Variants in HOMER2 observed in about 807,000 individuals in gnomAD.
HOMER2 encodes homer scaffold protein 2.
In HOMER2, 27 loss-of-function variants were observed where a neutral mutation model predicts 47.0. That is an observed-to-expected ratio of 0.57 (90% CI 0.42 to 0.79). The LOEUF (loss-of-function observed/expected upper bound fraction) is 0.79, where lower values mean the gene tolerates loss of function less well. Ranked by LOEUF, HOMER2 falls within the 30% of genes least tolerant of loss-of-function variation. The probability of loss-of-function intolerance (pLI) is 0.00; values close to 1 mark genes in which losing one functional copy is unlikely to be tolerated. For synonymous variants in HOMER2, 161 were observed against 163.8 expected (o/e 0.98, Z 0.13); for missense variants, 443 against 435.0 (o/e 1.02, Z -0.16).
chr15:82,895,357 G>A (rs530368623), intron 1 of HOMER2, among the ~76,000 whole-genome samples: 12 of 152,276 alleles, frequency 7.9e-5, no homozygotes, highest in South Asian at 4.1e-4. Context: ...GTAATTTCCC[G>A]CATCTGCTGT....
chr15:82,927,979 A>C (rs938370711), intron 1 of HOMER2, among the ~76,000 whole-genome samples: 1 of 137,928 alleles, frequency 7.3e-6, no homozygotes. Flanking sequence ...GTCTCAAAAA[A>C]AAAAAAAAAA....
At chr15:82,907,445 AAGAG>A (rs113467450) in intron 1 of HOMER2, among the ~76,000 whole-genome samples, 1,512 of 150,752 alleles carry the variant, frequency 0.01, 28 homozygotes, top group African/African-American at 0.036. Context: ...GAAAGAAAGA[AAGAG>A]AAAGAAAGAA....
At chr15:82,863,054 C>T (rs527960243) in intron 4 of HOMER2, among the ~76,000 whole-genome samples, 28 of 152,240 alleles carry the variant, frequency 1.8e-4, no homozygotes, top group African/African-American at 6.7e-4. Flanking sequence ...CTCCTCTCTC[C>T]ACTGCTTCTT....
chr15:82,952,701 CCGCCA>C lies in HOMER2; in HGVS notation c.-171_-167del. The C allele has an allele frequency of 1.0e-6, 1 of 983,876 alleles. No individual in the cohort carries two copies. The highest frequency in any genetic ancestry group is 1.2e-6 in the Non-Finnish European group (1 of 830,194). The allele number at this position is 983,876 out of a possible 1,614,324, so 60.9% of individuals were successfully genotyped here. ...TGCGCGGCTGCCACTGCTGCCACTG[CCGCCA>C]CCGCCGCCAGGCGCGGGCGGGCGGG... is the stretch of plus-strand genomic sequence containing the variant. On this transcript the variant is annotated 5_prime_UTR_variant, in exon 1 of 9. Coordinates refer to ENST00000450735, the MANE Select transcript of HOMER2 (RefSeq NM_004839.4).
downstream of HOMER2, among the ~76,000 whole-genome samples, chr15:82,848,792 G>C (rs925177211): frequency 6.6e-6 from 1 of 152,178 alleles, no homozygotes; most frequent in East Asian, 1.9e-4. Context: ...GGCTCCAGGG[G>C]CCTGAGACCA....
rs183405469 is a variant in HOMER2 at position 82,859,112 on chromosome 15, G to A, written c.411C>T (p.Asp137=). The A allele has an allele frequency of 1.2e-5, 19 of 1,613,890 alleles. No homozygotes were observed. Among genetic ancestry groups the A allele is most frequent in the Admixed American group, 6.7e-5 (4 of 60,010 alleles). The change falls in exon 5 of 9, where the codon GAC becomes GAT. Residue 137 remains aspartate, a synonymous_variant. Transcript: ENST00000450735. ...HSQASSVNGT[D]DEKASHAGPA... ...GACCGGCGTGAGAGGCCTTTTCATC[G>A]TCCGTCCCGTTGACACTGGATGCCT...
chr15:82,934,731 T>C (rs1446991766), intron 1 of HOMER2, among the ~76,000 whole-genome samples: 1 of 152,186 alleles, frequency 6.6e-6, no homozygotes, highest in Non-Finnish European at 1.5e-5. Context: ...CCCACGCCAC[T>C]GGGCAAGGTC....
exon 2 of HOMER2, chr15:82,840,333 G>A (rs1352659170): frequency 6.6e-6 from 1 of 151,994 alleles, no homozygotes; most frequent in South Asian, 2.1e-4. Context: ...ATGAAACAGA[G>A]TAATTCTGGA....
intron 1 of HOMER2, among the ~76,000 whole-genome samples, chr15:82,922,466 T>G (rs1173130887): frequency 1.3e-5 from 2 of 152,098 alleles, no homozygotes; most frequent in South Asian, 2.1e-4. Flanking sequence ...AGTTTAAAAA[T>G]AAACATGGGC....
chr15:82,850,804 AG>A (rs1442482772), intron 8 of HOMER2, among the ~76,000 whole-genome samples: 1 of 152,220 alleles, frequency 6.6e-6, no homozygotes, highest in Non-Finnish European at 1.5e-5. Context: ...GGCCACTGGC[AG>A]GGGAGTGGCT....
chr15:82,945,097 C>T (rs758330349), intron 1 of HOMER2, among the ~76,000 whole-genome samples: 24 of 152,006 alleles, frequency 1.6e-4, no homozygotes, highest in Non-Finnish European at 2.5e-4. Context: ...CGTGACTCAC[C>T]CAAATGACAC....
At chr15:82,928,956 A>AAAAAAAAAAAAAAAAAAAAAAAAAC (rs2053932933) in intron 1 of HOMER2, among the ~76,000 whole-genome samples, 1 of 147,994 alleles carries the variant, frequency 6.8e-6, no homozygotes, top group African/African-American at 2.5e-5. Flanking sequence ...AAAAAAAAAA[A>AAAAAAAAAAAAAAAAAAAAAAAAAC]AAAAGCTGTC....
intron 1 of HOMER2, among the ~76,000 whole-genome samples, chr15:82,971,014 C>T (rs762386565): frequency 6.6e-6 from 1 of 152,064 alleles, no homozygotes; most frequent in African/African-American, 2.4e-5. Flanking sequence ...TCCTGGATAC[C>T]CAGACATAAG....
At chr15:82,963,429 C>G (rs909707986) in intron 1 of HOMER2, among the ~76,000 whole-genome samples, 2 of 151,978 alleles carry the variant, frequency 1.3e-5, no homozygotes, top group Admixed American at 6.6e-5. Flanking sequence ...TTGTGGAGTC[C>G]CCAGTCAGGC....
At chr15:82,952,475 G>T in intron 1 of HOMER2, 56 bp downstream of exon 1, 1 of 1,126,012 alleles carries the variant, frequency 8.9e-7, no homozygotes, top group Non-Finnish European at 1.1e-6. Flanking sequence ...GCCAGCCGCG[G>T]CCCCGCAGTC....
In HOMER2 at chr15:82,942,615, G is replaced by C. The variant is rs148089229; in HGVS notation, c.5+9916C>G. Among the ~76,000 whole-genome samples, 239 of 152,308 alleles carry C rather than the reference G, an allele frequency of 1.6e-3. 1 individual carries two copies. The highest frequency in any genetic ancestry group is 5.6e-3 in the African/African-American group (233 of 41,560). ...GTCACTGCTGAATGAATGAGCGAAT[G>C]CATATACAAATAATCAATGAGGAGC... On this transcript the variant is annotated intron_variant, in intron 1 of 8. Transcript: ENST00000450735.
At chr15:82,908,832 G>A (rs562981454) in intron 1 of HOMER2, among the ~76,000 whole-genome samples, 2 of 152,224 alleles carry the variant, frequency 1.3e-5, no homozygotes, top group African/African-American at 4.8e-5. Context: ...CAACTGAGAG[G>A]AGATTTTAGT....
intron 1 of HOMER2, among the ~76,000 whole-genome samples, chr15:82,932,709 G>A (rs2054043962): frequency 6.6e-6 from 1 of 152,010 alleles, no homozygotes; most frequent in Non-Finnish European, 1.5e-5. Context: ...CATCACTCCC[G>A]CAAAGCTCGG....
intron 1 of HOMER2, among the ~76,000 whole-genome samples, chr15:82,959,785 G>T (rs772513241): frequency 2.6e-5 from 4 of 152,158 alleles, no homozygotes; most frequent in Non-Finnish European, 5.9e-5. Context: ...AGAGCCCCAA[G>T]AGTTTAGGAA....
Sources: gnomAD v4.1 joint callset for allele counts (sites outside exome capture counted in the v4.1 genomes callset) on GRCh38, gnomAD v4.1.1 for gene constraint, MANE v1.5 for transcripts, NCBI Gene and HGNC (gene_info 2026-07-23, HGNC 2026-07-21) for gene names.